The following LEFTY2 variants were observed in gnomAD, a reference collection of about 807,000 sequenced individuals.
LEFTY2 encodes the protein left-right determination factor 2.
A neutral mutation model predicts 26.4 loss-of-function variants in LEFTY2; 10 were observed. The ratio of observed to expected loss-of-function variants is 0.38; its 90% CI spans 0.23 to 0.64. The LOEUF is 0.64. LEFTY2 is among the 30% of genes least tolerant of loss of function. The pLI, the probability that LEFTY2 is intolerant of heterozygous loss-of-function variation, is 0.56. For synonymous variants in LEFTY2, 204 were observed against 234.1 expected (o/e 0.87, Z 1.17); for missense variants, 407 against 502.1 (o/e 0.81, Z 1.81).
At position 225,937,794 on chromosome 1, in the gene LEFTY2, C is replaced by T. The variant is rs141625209; in HGVS notation, c.748G>A (p.Asp250Asn). The T allele has an allele frequency of 1.0e-4, 166 of 1,611,468 alleles. No individual in the cohort carries two copies. The highest frequency in any genetic ancestry group is 1.3e-4 in the Non-Finnish European group (154 of 1,178,928). ...LDLRDYGAQG[D>N]CDPEAPMTEG... ...GTCATTGGTGCTTCAGGGTCACAGT[C>T]GCCCTGAGCTCTGTGTGGGCAAGGA... Residue 250 changes from aspartate (D) to asparagine (N), a missense_variant, in exon 4 of 4, where the codon GAC becomes AAC. Physicochemically the swap from Asp to Asn is conservative, Grantham distance 23. Transcript: ENST00000366820.
At chr1:225,940,848 C>G (rs1214949993) in intron 1 of LEFTY2, 43 bp downstream of exon 1, 2 of 1,612,334 alleles carry the variant, frequency 1.2e-6, no homozygotes, top group African/African-American at 2.7e-5. Context: ...ACCGGCCTGC[C>G]CCCGACCATG....
intron 1 of LEFTY2, 165 bp from the exon 2 acceptor site, chr1:225,940,167 A>G: frequency 1.7e-6 from 2 of 1,168,842 alleles, no homozygotes; most frequent in East Asian, 2.6e-5. Flanking sequence ...TTGTTTAGTA[A>G]CAATTTCCAT....
At chr1:225,937,863 T>G (rs1576155608) in intron 3 of LEFTY2, 59 bp from the exon 4 acceptor site, 1 of 1,575,202 alleles carries the variant, frequency 6.3e-7, no homozygotes, top group Non-Finnish European at 8.6e-7. Context: ...TCAGAAGGCC[T>G]GGGGCACAGC....
Position 225,937,370 on chromosome 1 carries a change from A to C in LEFTY2, c.*71T>G. On this transcript the variant is annotated 3_prime_UTR_variant, in exon 4 of 4. Transcript: ENST00000366820. The stretch of plus-strand genomic sequence containing the variant: ...GGATGGAGTAACTTGCTAAGTATAA[A>C]GTTAAGACCTACATTAAGACCACCT... The C allele has an allele frequency of 2.5e-6, 4 of 1,609,248 alleles. No homozygotes were observed. The highest frequency in any genetic ancestry group is 3.4e-6 in the Non-Finnish European group (4 of 1,179,388).
intron 3 of LEFTY2, among the ~76,000 whole-genome samples, chr1:225,938,730 G>C (rs1672217987): frequency 6.6e-6 from 1 of 151,690 alleles, no homozygotes; most frequent in African/African-American, 2.4e-5. Context: ...TCACTGTGTG[G>C]CCGAGGCTGG....
rs182741459 is a variant in LEFTY2 at position 225,937,179 on chromosome 1, G to C, written c.*262C>G. On this transcript the variant is annotated 3_prime_UTR_variant, in exon 4 of 4. Transcript: ENST00000366820. ...AACAGAAACTCCCAGCTGAAAATGT[G>C]TGCATTGCTCAGCTGTATCTTGTAA... 16 of 583,718 alleles carry C rather than the reference G, an allele frequency of 2.7e-5. No homozygotes were observed. The Admixed American group carries it at 3.3e-4, about 12-fold the overall frequency. 36.2% of individuals were successfully genotyped at this position (583,718 alleles called of 1,614,324 possible).
Position 225,939,472 on chromosome 1 carries a change from C to G in LEFTY2, c.626G>C (p.Gly209Ala), listed in dbSNP as rs777688820. Residue 209 changes from glycine (G) to alanine (A), a missense_variant, in exon 3 of 4, where the codon GGC becomes GCC. By Grantham distance (60) the Gly-to-Ala change is moderately conservative (BLOSUM62 0). Transcript: ENST00000366820. The surrounding 1 kb of genome is among the most constrained non-coding windows in gnomAD (Gnocchi z 4.1). ...LQVSVQREHL[G>A]PLASGAHKLV... ...CTTGTGGGCGCCGGACGCCAGCGGG[C>G]CCAGATGCTCCCTCTGCACCGACAC... 23 of 1,610,710 alleles carry G rather than the reference C, an allele frequency of 1.4e-5. No individual in the cohort carries two copies. The highest frequency in any genetic ancestry group is 2.0e-5 in the Non-Finnish European group (23 of 1,179,256).
chr1:225,938,422 T>C (rs1672209952), intron 3 of LEFTY2, among the ~76,000 whole-genome samples: 1 of 152,210 alleles, frequency 6.6e-6, no homozygotes, highest in South Asian at 2.1e-4. Flanking sequence ...CCATTGAAGA[T>C]TGTCAAAGAT....
intron 1 of LEFTY2, among the ~76,000 whole-genome samples, chr1:225,940,607 C>G (rs1006522859): frequency 6.6e-6 from 1 of 152,186 alleles, no homozygotes; most frequent in Non-Finnish European, 1.5e-5. Context: ...TCACCTGCTC[C>G]CCCAGCTCTA....
chr1:225,938,002 C>A lies in LEFTY2; in HGVS notation c.738-198G>T, dbSNP rs571767420. On this transcript the variant is annotated intron_variant, in intron 3 of 3. Transcript: ENST00000366820. Reference sequence around the variant, plus strand: ...AAATCAGCTACTATTAATTAAAGGTCTCCTAATAGGCCAGACAATGAACTA... The same window carrying A: ...AAATCAGCTACTATTAATTAAAGGTATCCTAATAGGCCAGACAATGAACTA... Among the ~76,000 whole-genome samples, 43 of 152,238 alleles carry A rather than the reference C, an allele frequency of 2.8e-4. No individual in the cohort carries two copies. In the South Asian group the frequency reaches 8.8e-3, roughly 31 times the overall value.
chr1:225,940,179 C>T (rs1006165826), intron 1 of LEFTY2, 177 bp from the exon 2 acceptor site: 2 of 1,076,150 alleles, frequency 1.9e-6, no homozygotes, highest in African/African-American at 1.6e-5. Flanking sequence ...AATTTCCATC[C>T]AGCAGGCAGG....
rs1672274113 is a variant in LEFTY2, at chr1:225,939,888, T to A, written c.365A>T (p.Gln122Leu). The A allele has an allele frequency of 6.4e-7, 1 of 1,553,780 alleles. No individual in the cohort carries two copies. The highest frequency in any genetic ancestry group is 1.3e-5 in the African/African-American group (1 of 74,350). ...ELVQAVLRLF[Q>L]EPVPKAALHR... ...CAGCGCGGCCTTGGGGACCGGCTCCTGGAAGAGCCGCAGCACGGCCTGCAC... is the reference window on the plus strand; with the variant it reads ...CAGCGCGGCCTTGGGGACCGGCTCCAGGAAGAGCCGCAGCACGGCCTGCAC... The change falls in exon 2 of 4, where the codon CAG (glutamine) becomes CTG (leucine). Residue 122 changes from glutamine to leucine, a missense_variant. By Grantham distance (113) the Gln-to-Leu change is moderately radical. Transcript: ENST00000366820. The surrounding 1 kb of genome is among the most constrained non-coding windows in gnomAD (Gnocchi z 4.1).
At position 225,936,987 on chromosome 1, in the gene LEFTY2, G is replaced by A. The variant is rs892858836; in HGVS notation, c.*454C>T. 4.1e-5 allele frequency: 9 copies of A among 217,072 alleles called. No homozygotes were observed. Among genetic ancestry groups the A allele is most frequent in the Non-Finnish European group, 6.5e-5 (7 of 107,332 alleles). 13.4% of individuals were successfully genotyped at this position (217,072 alleles called of 1,614,324 possible). On this transcript the variant is annotated 3_prime_UTR_variant, in exon 4 of 4. Coordinates refer to ENST00000366820, the MANE Select transcript of LEFTY2 (RefSeq NM_003240.5). ...CCTTCCTCTTAGCACCCTCTCAGGGGAACAGGGGCCTAGGTATGTTTACAA... is the reference window on the plus strand; with the variant it reads ...CCTTCCTCTTAGCACCCTCTCAGGGAAACAGGGGCCTAGGTATGTTTACAA...
At position 225,940,972 on chromosome 1, in the gene LEFTY2, C is replaced by G; in HGVS notation, c.169G>C (p.Val57Leu). 6.2e-7 allele frequency: 1 copy of G among 1,613,720 alleles called. No homozygotes were observed. The highest frequency in any genetic ancestry group is 8.5e-7 in the Non-Finnish European group (1 of 1,179,876). ...AGCAGGACTACATACTGGGCCCTCA[C>G]GTGGGCGGGGATGACCAGCTTCTCC... is the stretch of plus-strand genomic sequence containing the variant. ...DMEKLVIPAH[V>L]RAQYVVLLRR... Residue 57 changes from valine to leucine, a missense_variant, in exon 1 of 4, where the codon GTG becomes CTG. Coordinates refer to ENST00000366820, the MANE Select transcript of LEFTY2 (RefSeq NM_003240.5).
chr1:225,940,845 T>C (rs1166353604), intron 1 of LEFTY2, 46 bp downstream of exon 1: 6 of 1,612,276 alleles, frequency 3.7e-6, no homozygotes, highest in Non-Finnish European at 5.1e-6. Flanking sequence ...ACAACCGGCC[T>C]GCCCCCGACC....
In LEFTY2 at chr1:225,939,214, C is replaced by T; in HGVS notation, c.737+147G>A. 2 of 1,276,836 alleles carry T rather than the reference C, an allele frequency of 1.6e-6. No homozygotes were observed. Among genetic ancestry groups the T allele is most frequent in the Non-Finnish European group, 2.2e-6 (2 of 918,208 alleles). 79.1% of individuals were successfully genotyped at this position (1,276,836 alleles called of 1,614,324 possible). A position where few individuals can be genotyped will look rare whatever the true frequency, so the allele number is the denominator to read the frequency against. ...ATTAGAAACCCTGACATGTAGTGGG[C>T]AATCGCTGGCATCCTGGGACAGTCT... On this transcript the variant is annotated intron_variant, in intron 3 of 3. Coordinates refer to ENST00000366820, the MANE Select transcript of LEFTY2 (RefSeq NM_003240.5). This position sits in a 1 kb window ranked among gnomAD's most constrained non-coding sequence, Gnocchi z 4.1.
Position 225,937,165 on chromosome 1 carries a change from C to G in LEFTY2, c.*276G>C, listed in dbSNP as rs922072924. ...AGAATTTGCCAGAGAACAGAAACTC[C>G]CAGCTGAAAATGTGTGCATTGCTCA... On this transcript the variant is annotated 3_prime_UTR_variant, in exon 4 of 4. Transcript: ENST00000366820. 1.8e-6 allele frequency: 1 copy of G among 561,938 alleles called. No homozygotes were observed. Among genetic ancestry groups the G allele is most frequent in the Non-Finnish European group, 3.2e-6 (1 of 315,016 alleles). The allele number at this position is 561,938 out of a possible 1,614,324, so 34.8% of individuals were successfully genotyped here. A position where few individuals can be genotyped will look rare whatever the true frequency, so the allele number is the denominator to read the frequency against.
chr1:225,940,251 C>T, intron 1 of LEFTY2: 1 of 642,720 alleles, frequency 1.6e-6, no homozygotes, highest in Non-Finnish European at 2.7e-6. Context: ...GCAGAATCCT[C>T]ACCCAGGTGC....
In LEFTY2 at chr1:225,940,979, G is replaced by A. The variant is rs576461272; in HGVS notation, c.162C>T (p.Pro54=). 2.0e-5 allele frequency: 32 copies of A among 1,613,610 alleles called. No individual in the cohort carries two copies. In the African/African-American group the frequency reaches 3.3e-4, roughly 17 times the overall value. The stretch of plus-strand genomic sequence containing the variant: ...CTACATACTGGGCCCTCACGTGGGC[G>A]GGGATGACCAGCTTCTCCATGTCGG... ...DRADMEKLVI[P]AHVRAQYVVL... The change falls in exon 1 of 4, where the codon CCC becomes CCT. Residue 54 remains proline, a synonymous_variant. Coordinates refer to ENST00000366820, the MANE Select transcript of LEFTY2 (RefSeq NM_003240.5).
Sources: allele counts gnomAD v4.1 joint callset (sites outside exome capture counted in the v4.1 genomes callset), GRCh38; gene constraint gnomAD v4.1.1; non-coding constraint Gnocchi (gnomAD v3.1); transcripts MANE v1.5; gene names NCBI Gene and HGNC (gene_info 2026-07-23, HGNC 2026-07-21).